Variants in QTMAN observed in about 807,000 individuals in gnomAD.
The protein encoded by QTMAN is tRNA-queuosine alpha-mannosyltransferase.
chr2:144,324,574 G>A, the QTMAN span, among the ~76,000 whole-genome samples: 3 of 152,096 alleles, frequency 2.0e-5, no homozygotes, highest in Non-Finnish European at 4.4e-5. Context: ...CCCAAAATCT[G>A]CAGTCACATT....
At chr2:144,095,261 T>C in the QTMAN span, among the ~76,000 whole-genome samples, 2 of 152,242 alleles carry the variant, frequency 1.3e-5, no homozygotes, top group African/African-American at 4.8e-5. Context: ...TTAGAAATTC[T>C]TAAAACAGAA....
chr2:144,110,678 G>GAC, the QTMAN span, among the ~76,000 whole-genome samples: 1 of 106,452 alleles, frequency 9.4e-6, no homozygotes, highest in Admixed American at 1.0e-4. Flanking sequence ...GAGAAAAATC[G>GAC]ACCCCCCCCC....
chr2:144,192,702 G>C, the QTMAN span, among the ~76,000 whole-genome samples: 23 of 152,166 alleles, frequency 1.5e-4, no homozygotes, highest in African/African-American at 5.6e-4. Flanking sequence ...CAGCATATTT[G>C]TAAGTTTCAA....
chr2:144,174,186 T>G, the QTMAN span, among the ~76,000 whole-genome samples: 3 of 152,184 alleles, frequency 2.0e-5, no homozygotes, highest in African/African-American at 7.2e-5. Flanking sequence ...ACATCCAGAA[T>G]TCTCTCTTGG....
chr2:143,965,089 T>A, the QTMAN span, among the ~76,000 whole-genome samples: 1 of 152,020 alleles, frequency 6.6e-6, no homozygotes, highest in East Asian at 1.9e-4. Flanking sequence ...TCTCAAGGGC[T>A]AACAATGTGA....
the QTMAN span, among the ~76,000 whole-genome samples, chr2:144,262,945 GGGATAGGGGAAGGGA>G: frequency 7.7e-4 from 71 of 91,924 alleles, no homozygotes; most frequent in African/African-American, 2.4e-3. Flanking sequence ...AAGAGGGGAG[GGGATAGGGGAAGGGA>G]GGAGAGGGGA....
At chr2:144,216,999 A>G in the QTMAN span, among the ~76,000 whole-genome samples, 1 of 152,146 alleles carries the variant, frequency 6.6e-6, no homozygotes, top group African/African-American at 2.4e-5. Flanking sequence ...TCTGCCAACA[A>G]TTATTCTTTT....
the QTMAN span, among the ~76,000 whole-genome samples, chr2:143,965,465 T>A: frequency 6.6e-6 from 1 of 152,284 alleles, no homozygotes; most frequent in Non-Finnish European, 1.5e-5. Context: ...CCCTTTCCCA[T>A]CTCCTCCTTT....
chr2:143,967,585 C>A, the QTMAN span, among the ~76,000 whole-genome samples: 1 of 152,166 alleles, frequency 6.6e-6, no homozygotes, highest in Non-Finnish European at 1.5e-5. Flanking sequence ...CCCACCTCGG[C>A]CTCCCAAGGT....
At chr2:144,178,728 C>T in the QTMAN span, 1,971 of 281,846 alleles carry the variant, frequency 7.0e-3, 11 homozygotes, top group Non-Finnish European at 9.2e-3. Context: ...CTAGTTACAA[C>T]GAAAGCCAGA....
At chr2:144,178,135 G>A in the QTMAN span, among the ~76,000 whole-genome samples, 8 of 152,106 alleles carry the variant, frequency 5.3e-5, no homozygotes, top group Non-Finnish European at 1.0e-4. Context: ...AAAGAAGTGA[G>A]GAATGCATCC....
the QTMAN span, among the ~76,000 whole-genome samples, chr2:144,101,512 T>C: frequency 6.6e-6 from 1 of 152,154 alleles, no homozygotes; most frequent in African/African-American, 2.4e-5. Context: ...TAGGATTCTT[T>C]ACTTGGGAAC....
At chr2:144,013,240 G>T in the QTMAN span, among the ~76,000 whole-genome samples, 1 of 152,128 alleles carries the variant, frequency 6.6e-6, no homozygotes, top group African/African-American at 2.4e-5. Flanking sequence ...TACCTAATAT[G>T]TGATGGGGAT....
the QTMAN span, among the ~76,000 whole-genome samples, chr2:144,249,819 T>C: frequency 3.3e-5 from 5 of 152,202 alleles, no homozygotes; most frequent in East Asian, 3.8e-4. Flanking sequence ...TATATGAGCA[T>C]CTTAGAAATT....
the QTMAN span, among the ~76,000 whole-genome samples, chr2:144,161,525 T>C: frequency 6.6e-6 from 1 of 152,078 alleles, no homozygotes; most frequent in African/African-American, 2.4e-5. Context: ...CAGTTACATG[T>C]ATGACTAGGG....
chr2:144,055,144 C>A, the QTMAN span, among the ~76,000 whole-genome samples: 1 of 152,122 alleles, frequency 6.6e-6, no homozygotes, highest in South Asian at 2.1e-4. Flanking sequence ...GCTGGAAAAA[C>A]CTTCCAATCA....
chr2:144,007,119 A>C, the QTMAN span: 1 of 946,740 alleles, frequency 1.1e-6, no homozygotes. Context: ...TATGTCAATC[A>C]ACAGAATATA....
chr2:144,257,402 G>GA, the QTMAN span, among the ~76,000 whole-genome samples: 26 of 143,776 alleles, frequency 1.8e-4, no homozygotes, highest in East Asian at 4.0e-4. Flanking sequence ...GAAGGAGAGA[G>GA]AAAAAAAAAA....
At chr2:143,999,480 T>C in the QTMAN span, among the ~76,000 whole-genome samples, 1 of 151,466 alleles carries the variant, frequency 6.6e-6, no homozygotes, top group Non-Finnish European at 1.5e-5. Context: ...TCTACTAGGA[T>C]GGTGTGGAAA....
Sources: allele counts gnomAD v4.1 joint callset (sites outside exome capture counted in the v4.1 genomes callset), GRCh38; gene constraint gnomAD v4.1.1; transcripts MANE v1.5; gene names NCBI Gene and HGNC (gene_info 2026-07-23, HGNC 2026-07-21).